Variants in CSMD2 observed in about 807,000 individuals in gnomAD.
The protein encoded by CSMD2 is CUB and Sushi multiple domains 2, also known as CUB and sushi domain-containing protein 2.
A neutral mutation model predicts 398.5 loss-of-function variants in CSMD2; 130 were observed. That is an observed-to-expected ratio of 0.33 (90% CI 0.28 to 0.38). CSMD2 has a LOEUF of 0.38. Ranked by LOEUF, CSMD2 falls within the 10% of genes least tolerant of loss-of-function variation. CSMD2 has a pLI of 1.00. For synonymous variants in CSMD2, 1,828 were observed against 1,908.5 expected, an observed-to-expected ratio of 0.96 and a Z score of 1.10; for missense variants, 3,829 against 4,764.9, an observed-to-expected ratio of 0.80 and a Z score of 5.78.
At chr1:34,023,855 A>G (rs1649269279) in intron 3 of CSMD2, among the ~76,000 whole-genome samples, 1 of 152,216 alleles carries the variant, frequency 6.6e-6, no homozygotes, top group Non-Finnish European at 1.5e-5. Context: ...CAGAGCTCAA[A>G]CTTGATCTCC....
chr1:33,764,414 C>A (rs535896641), intron 13 of CSMD2, among the ~76,000 whole-genome samples: 1 of 152,322 alleles, frequency 6.6e-6, no homozygotes, highest in Admixed American at 6.5e-5. Context: ...GCGACGTCCC[C>A]TTCAGATCAC....
At chr1:34,053,609 A>G (rs1391163129) in intron 2 of CSMD2, among the ~76,000 whole-genome samples, 2 of 152,226 alleles carry the variant, frequency 1.3e-5, no homozygotes, top group Admixed American at 1.3e-4. Flanking sequence ...GCATATGAAC[A>G]TGCAACTTTA....
chr1:33,596,488 A>T (rs1215324211), intron 44 of CSMD2, among the ~76,000 whole-genome samples: 1 of 152,112 alleles, frequency 6.6e-6, no homozygotes, highest in Non-Finnish European at 1.5e-5. Context: ...ATAAAAACAT[A>T]CCTGAGATTG....
At chr1:33,738,544 A>G (rs371419534) in intron 15 of CSMD2, among the ~76,000 whole-genome samples, 64 of 152,250 alleles carry the variant, frequency 4.2e-4, no homozygotes, top group Admixed American at 2.6e-3. Flanking sequence ...TTGAGTCAAA[A>G]ACTGTCTTGT....
chr1:33,573,283 C>G (rs1010843124), intron 49 of CSMD2, among the ~76,000 whole-genome samples: 3 of 152,148 alleles, frequency 2.0e-5, no homozygotes, highest in African/African-American at 7.2e-5. Flanking sequence ...AAAAATCAAC[C>G]TGGCCCTTAC....
intron 10 of CSMD2, among the ~76,000 whole-genome samples, chr1:33,810,131 G>T (rs1460256659): frequency 6.6e-6 from 1 of 152,000 alleles, no homozygotes; most frequent in African/African-American, 2.4e-5. Context: ...ATTCCAACAG[G>T]TTATTTTGTG....
chr1:34,111,440 T>C (rs534149525), intron 1 of CSMD2, among the ~76,000 whole-genome samples: 9 of 152,216 alleles, frequency 5.9e-5, no homozygotes, highest in African/African-American at 1.9e-4. Flanking sequence ...TTTACCACTA[T>C]ATCATTGAGG....
intron 56 of CSMD2, among the ~76,000 whole-genome samples, chr1:33,547,194 G>A (rs1295129421): frequency 1.3e-5 from 2 of 152,032 alleles, no homozygotes. Flanking sequence ...CTGGTATTGT[G>A]CAAACCCACT....
At chr1:34,021,614 G>A (rs1045135401) in intron 3 of CSMD2, among the ~76,000 whole-genome samples, 1 of 152,214 alleles carries the variant, frequency 6.6e-6, no homozygotes, top group Non-Finnish European at 1.5e-5. Flanking sequence ...GCTGCTTCCC[G>A]TGAAAAGGGT....
intron 2 of CSMD2, among the ~76,000 whole-genome samples, chr1:34,083,762 T>G (rs978229111): frequency 6.6e-6 from 1 of 151,758 alleles, no homozygotes; most frequent in African/African-American, 2.4e-5. Context: ...ACAGAAAGAG[T>G]GCAAAAATTA....
intron 9 of CSMD2, chr1:33,814,086 A>T (rs961342826): frequency 1.3e-5 from 2 of 152,192 alleles, no homozygotes; most frequent in African/African-American, 4.8e-5. Context: ...TGTTGACAGC[A>T]ATATCTCCTC....
At chr1:34,020,929 ACTC>A (rs975062238) in intron 3 of CSMD2, among the ~76,000 whole-genome samples, 3 of 151,874 alleles carry the variant, frequency 2.0e-5, no homozygotes, top group African/African-American at 7.3e-5. Flanking sequence ...CTGTGAAACA[ACTC>A]CTATCATGTA....
chr1:33,606,064 C>A lies in CSMD2; in HGVS notation c.6344-594G>T, dbSNP rs573306319. 32 of 1,528,526 alleles carry A rather than the reference C, an allele frequency of 2.1e-5. No individual in the cohort carries two copies. In the East Asian group the frequency reaches 7.4e-4, roughly 35 times the overall value. 94.7% of individuals were successfully genotyped at this position (1,528,526 alleles called of 1,614,324 possible). ...TGTGGCTGTCACAAAGCAAGTCCCTCCAAAGGGCAGGGAAGCTGTTTCCAT... is the reference window on the plus strand; with the variant it reads ...TGTGGCTGTCACAAAGCAAGTCCCTACAAAGGGCAGGGAAGCTGTTTCCAT... On this transcript the variant is annotated intron_variant, in intron 41 of 70. Coordinates refer to ENST00000373381, the MANE Select transcript of CSMD2 (RefSeq NM_001281956.2).
At chr1:33,686,336 G>T (rs1645061767) in intron 25 of CSMD2, among the ~76,000 whole-genome samples, 1 of 152,210 alleles carries the variant, frequency 6.6e-6, no homozygotes, top group African/African-American at 2.4e-5. Context: ...ATGTACTGAT[G>T]ACACAGGCAA....
At chr1:33,759,730 T>C (rs1464557285) in intron 13 of CSMD2, among the ~76,000 whole-genome samples, 1 of 152,190 alleles carries the variant, frequency 6.6e-6, no homozygotes, top group East Asian at 1.9e-4. Flanking sequence ...GGCATTCAAA[T>C]CAATCACTGA....
At chr1:33,824,570 G>A (rs373660774) in intron 7 of CSMD2, among the ~76,000 whole-genome samples, 2 of 152,076 alleles carry the variant, frequency 1.3e-5, no homozygotes, top group African/African-American at 4.8e-5. Context: ...CACACACATC[G>A]GCACAGAGCT....
chr1:33,981,268 C>T (rs1029333196), intron 3 of CSMD2, among the ~76,000 whole-genome samples: 1 of 152,202 alleles, frequency 6.6e-6, no homozygotes, highest in Non-Finnish European at 1.5e-5. Context: ...AGGCCTTATC[C>T]TCAGGAGTGT....
chr1:33,890,582 C>T (rs1641939226), intron 5 of CSMD2, among the ~76,000 whole-genome samples: 1 of 151,840 alleles, frequency 6.6e-6, no homozygotes, highest in African/African-American at 2.4e-5. Context: ...CAGCCCGCAT[C>T]GCCAAGTCAA....
At chr1:33,750,998 G>A (rs1648154086) in intron 13 of CSMD2, among the ~76,000 whole-genome samples, 1 of 152,058 alleles carries the variant, frequency 6.6e-6, no homozygotes, top group African/African-American at 2.4e-5. Context: ...GAGAAAATAT[G>A]TGCAAGTTAC....
Sources: gnomAD v4.1 joint callset for allele counts (sites outside exome capture counted in the v4.1 genomes callset) on GRCh38, gnomAD v4.1.1 for gene constraint, MANE v1.5 for transcripts, NCBI Gene and HGNC (gene_info 2026-07-23, HGNC 2026-07-21) for gene names.